The following RELL2 variants were observed in gnomAD, a reference collection of about 807,000 sequenced individuals.
The protein encoded by RELL2 is RELT-like protein 2.
RELL2 carries 18 observed loss-of-function variants against 27.5 expected under a neutral mutation model. The observed-to-expected ratio is 0.65, with a 90% confidence interval of 0.45 to 0.97. RELL2 has a LOEUF of 0.97. Among genes scored for constraint, RELL2 ranks in the 50% least tolerant of loss-of-function variants. The pLI is 0.00. For synonymous variants in RELL2, 156 were observed against 147.5 expected (o/e 1.06, Z -0.42); for missense variants, 370 against 397.5 (o/e 0.93, Z 0.59).
chr5:141,639,124 G>T lies in RELL2; in HGVS notation c.317+103G>T. 3.0e-6 allele frequency: 3 copies of T among 1,004,662 alleles called. No individual in the cohort carries two copies. The highest frequency in any genetic ancestry group is 3.2e-4 in the Middle Eastern group (1 of 3,086). 62.2% of individuals were successfully genotyped at this position (1,004,662 alleles called of 1,614,324 possible). ...CCTCCTTGCATGTATGGGGTTGGGG[G>T]AAGGGCAAAGCTGGCTAACTTATAG... On this transcript the variant is annotated intron_variant, in intron 3 of 6. Transcript: ENST00000297164. This position sits in a 1 kb window ranked among gnomAD's most constrained non-coding sequence, Gnocchi z 4.4.
In RELL2 at chr5:141,640,665, T is replaced by C. The variant is rs1323901829; in HGVS notation, c.*2-6T>C. 1 of 1,535,980 alleles carries C rather than the reference T, an allele frequency of 6.5e-7. No individual in the cohort carries two copies. The highest frequency in any genetic ancestry group is 1.4e-5 in the African/African-American group (1 of 73,144). On this transcript the variant is annotated splice_polypyrimidine_tract_variant and splice_region_variant and intron_variant, in intron 6 of 6. Transcript: ENST00000297164. ...AGCAACAGTGTTATTCTTCCTCTTCTCCAAGTCTCCTTCATTGTGCTGATG... is the reference window on the plus strand; with the variant it reads ...AGCAACAGTGTTATTCTTCCTCTTCCCCAAGTCTCCTTCATTGTGCTGATG...
rs775199549 is a variant in RELL2 at position 141,640,307 on chromosome 5, C to T, written c.879+12C>T. The T allele has an allele frequency of 1.9e-6, 3 of 1,613,700 alleles. No homozygotes were observed. The highest frequency in any genetic ancestry group is 2.2e-5 in the South Asian group (2 of 91,054). ...CTTCTGATCACCAGGTAGGAAAACA[C>T]AGCCGGGACTGCACTGGGCTGGGCT... On this transcript the variant is annotated intron_variant, in intron 5 of 6. Coordinates refer to ENST00000297164, the MANE Select transcript of RELL2 (RefSeq NM_173828.5).
rs1194162874 is a variant in RELL2 at position 141,638,819 on chromosome 5, A to G, written c.209A>G (p.Asp70Gly). 6.2e-7 allele frequency: 1 copy of G among 1,614,056 alleles called. No individual in the cohort carries two copies. The highest frequency in any genetic ancestry group is 8.5e-7 in the Non-Finnish European group (1 of 1,180,000). The change falls in exon 2 of 7, where the codon GAC becomes GGC. Residue 70 changes from aspartate (D) to glycine (G), a missense_variant. By Grantham distance (94) the Asp-to-Gly change is moderately conservative. Coordinates refer to ENST00000297164, the MANE Select transcript of RELL2 (RefSeq NM_173828.5). Reference sequence around the variant, plus strand: ...GCTGAGGACGATGACATGAATGAGGACACAGTAGAGAGGATTGTTCGCTGC... The same window carrying G: ...GCTGAGGACGATGACATGAATGAGGGCACAGTAGAGAGGATTGTTCGCTGC... ...QPPEDDDMNE[D>G]TVERIVRCII...
At chr5:141,638,619 G>C (rs1409608486) in intron 1 of RELL2, among the ~76,000 whole-genome samples, 176 bp from the exon 2 acceptor site, 3 of 152,204 alleles carry the variant, frequency 2.0e-5, no homozygotes, top group African/African-American at 7.2e-5. Flanking sequence ...CTGGATGGTA[G>C]TCTTGGGCTT....
intron 5 of RELL2, 30 bp downstream of exon 5, chr5:141,640,325 G>T: frequency 1.9e-6 from 3 of 1,613,972 alleles, no homozygotes; most frequent in Non-Finnish European, 2.5e-6. Flanking sequence ...ACTGCACTGG[G>T]CTGGGCTCTT....
chr5:141,641,048 A>G lies in RELL2; in HGVS notation c.*379A>G. ...CGTGCCCTTTATTCATTGTCAATAA[A>G]TCCGCTCAGACCATTACAGCTGCTT... On this transcript the variant is annotated 3_prime_UTR_variant, in exon 7 of 7. Coordinates refer to ENST00000297164, the MANE Select transcript of RELL2 (RefSeq NM_173828.5). 2.9e-6 allele frequency: 1 copy of G among 341,386 alleles called. No individual in the cohort carries two copies. The highest frequency in any genetic ancestry group is 8.7e-5 in the South Asian group (1 of 11,486). The allele number at this position is 341,386 out of a possible 1,614,324, so 21.1% of individuals were successfully genotyped here.
intron 5 of RELL2, 32 bp from the exon 6 acceptor site, chr5:141,640,378 GTC>G (rs1420334322): frequency 1.2e-6 from 2 of 1,614,018 alleles, no homozygotes; most frequent in African/African-American, 2.7e-5. Flanking sequence ...CCTACTCCTG[GTC>G]TCTCATTGTT....
At position 141,639,939 on chromosome 5, in the gene RELL2, GAGA is replaced by G; in HGVS notation, c.526_528del (p.Lys176del). The G allele has an allele frequency of 6.2e-7, 1 of 1,614,062 alleles. No individual in the cohort carries two copies. The highest frequency in any genetic ancestry group is 8.5e-7 in the Non-Finnish European group (1 of 1,180,024). On this transcript the variant is annotated inframe_deletion, in exon 5 of 7. Coordinates refer to ENST00000297164, the MANE Select transcript of RELL2 (RefSeq NM_173828.5). This position sits in a 1 kb window ranked among gnomAD's most constrained non-coding sequence, Gnocchi z 4.4. ...TCCCAGGTTCCGGGTGACACACATT[GAGA>G]AGCGCTATGGACTGCACGAACACCG...
In RELL2 at chr5:141,639,704, G is replaced by A. The variant is rs2099906600; in HGVS notation, c.503+55G>A. ...CTGAGGTAGGGGGCCCAGTGATCAG[G>A]CACCTGATCCCAAAAGTGGGCCTTG... On this transcript the variant is annotated intron_variant, in intron 4 of 6. Transcript: ENST00000297164. This position sits in a 1 kb window ranked among gnomAD's most constrained non-coding sequence, Gnocchi z 4.4. 2 of 1,516,584 alleles carry A rather than the reference G, an allele frequency of 1.3e-6. No individual in the cohort carries two copies. The highest frequency in any genetic ancestry group is 1.2e-5 in the South Asian group (1 of 82,252). The allele number at this position is 1,516,584 out of a possible 1,614,324, so 93.9% of individuals were successfully genotyped here.
chr5:141,638,589 G>T (rs556497061), intron 1 of RELL2, among the ~76,000 whole-genome samples, 180 bp downstream of exon 1: 12 of 152,326 alleles, frequency 7.9e-5, no homozygotes, highest in African/African-American at 2.2e-4. Context: ...AGAGAAAGCA[G>T]CATGGGCAGG....
Position 141,639,536 on chromosome 5 carries a change from C to T in RELL2, c.390C>T (p.Ala130=). 1 of 1,614,068 alleles carries T rather than the reference C, an allele frequency of 6.2e-7. No homozygotes were observed. The highest frequency in any genetic ancestry group is 1.3e-5 in the African/African-American group (1 of 75,052). ...HHHTVHLGSA[A]PCLHCSRSKR... Reference sequence around the variant, plus strand: ...ACACAGTGCACCTGGGCTCTGCAGCCCCTTGCCTCCATTGCAGCCGCAGCA... The same window carrying T: ...ACACAGTGCACCTGGGCTCTGCAGCTCCTTGCCTCCATTGCAGCCGCAGCA... Residue 130 remains alanine, a synonymous_variant, in exon 4 of 7, where the codon GCC becomes GCT. Coordinates refer to ENST00000297164, the MANE Select transcript of RELL2 (RefSeq NM_173828.5). This position sits in a 1 kb window ranked among gnomAD's most constrained non-coding sequence, Gnocchi z 4.4.
chr5:141,639,924 C>T lies in RELL2; in HGVS notation c.508C>T (p.Arg170Trp), dbSNP rs199910418. Residue 170 changes from arginine to tryptophan, a missense_variant, in exon 5 of 7, where the codon CGG becomes TGG. By Grantham distance (101) the Arg-to-Trp change is moderately radical. Coordinates refer to ENST00000297164, the MANE Select transcript of RELL2 (RefSeq NM_173828.5). The surrounding 1 kb of genome is among the most constrained non-coding windows in gnomAD (Gnocchi z 4.4). ...CAGTGTTCCCTCCCCTCCCAGGTTC[C>T]GGGTGACACACATTGAGAAGCGCTA... ...ETTVFSVGRFRVTHIEKRYGL... is the reference protein window; with the variant it reads ...ETTVFSVGRFWVTHIEKRYGL... The T allele has an allele frequency of 8.1e-6, 13 of 1,613,918 alleles. No individual in the cohort carries two copies. Among genetic ancestry groups the T allele is most frequent in the South Asian group, 2.2e-5 (2 of 91,074 alleles).
At chr5:141,640,606 C>A (rs911313235) in intron 6 of RELL2, 65 bp from the exon 7 acceptor site, 4 of 1,541,896 alleles carry the variant, frequency 2.6e-6, no homozygotes, top group Middle Eastern at 1.7e-4. Flanking sequence ...GTCCTGGAGC[C>A]CCAGGGGAAA....
Position 141,638,816 on chromosome 5 carries a change from A to T in RELL2, c.206A>T (p.Glu69Val). Residue 69 changes from glutamate (E) to valine (V), a missense_variant, in exon 2 of 7, where the codon GAG becomes GTG. Physicochemically the swap from Glu to Val is moderately radical, Grantham distance 121. Transcript: ENST00000297164. ...TCAGCTGAGGACGATGACATGAATG[A>T]GGACACAGTAGAGAGGATTGTTCGC... is the stretch of plus-strand genomic sequence containing the variant. The part of the protein sequence containing the change: ...LQPPEDDDMN[E>V]DTVERIVRCI... 6.2e-7 allele frequency: 1 copy of T among 1,614,152 alleles called. No individual in the cohort carries two copies. Among genetic ancestry groups the T allele is most frequent in the Non-Finnish European group, 8.5e-7 (1 of 1,179,956 alleles).
rs999149577 is a variant in RELL2, at chr5:141,641,034, T to A, written c.*365T>A. ...CCTGGCCTGGCCTTCGTGCCCTTTATTCATTGTCAATAAATCCGCTCAGAC... is the reference window on the plus strand; with the variant it reads ...CCTGGCCTGGCCTTCGTGCCCTTTAATCATTGTCAATAAATCCGCTCAGAC... On this transcript the variant is annotated 3_prime_UTR_variant, in exon 7 of 7. Transcript: ENST00000297164. 7.8e-4 allele frequency: 281 copies of A among 360,096 alleles called. 2 individuals carry two copies. The highest frequency in any genetic ancestry group is 2.2e-4 in the East Asian group (5 of 22,412). 22.3% of individuals were successfully genotyped at this position (360,096 alleles called of 1,614,324 possible). A position where few individuals can be genotyped will look rare whatever the true frequency, so the allele number is the denominator to read the frequency against.
chr5:141,639,729 G>C lies in RELL2; in HGVS notation c.503+80G>C. ...GCACCTGATCCCAAAAGTGGGCCTT[G>C]GCTCTTTCCTCCTGGACTGGGAGCT... On this transcript the variant is annotated intron_variant, in intron 4 of 6. Transcript: ENST00000297164. This position sits in a 1 kb window ranked among gnomAD's most constrained non-coding sequence, Gnocchi z 4.4. The C allele has an allele frequency of 7.0e-7, 1 of 1,419,062 alleles. No homozygotes were observed. The highest frequency in any genetic ancestry group is 9.6e-7 in the Non-Finnish European group (1 of 1,037,126). 87.9% of individuals were successfully genotyped at this position (1,419,062 alleles called of 1,614,324 possible).
rs1191270903 is a variant in RELL2, at chr5:141,640,936, C to T, written c.*267C>T. On this transcript the variant is annotated 3_prime_UTR_variant, in exon 7 of 7. Transcript: ENST00000297164. The stretch of plus-strand genomic sequence containing the variant: ...ATAGAGCGTGGCAGCTGGGAGCAGG[C>T]CCCTGCCCGTGGTGGGCCCCTAAAG... 3 of 518,248 alleles carry T rather than the reference C, an allele frequency of 5.8e-6. No homozygotes were observed. The highest frequency in any genetic ancestry group is 6.8e-6 in the Non-Finnish European group (2 of 294,246). 32.1% of individuals were successfully genotyped at this position (518,248 alleles called of 1,614,324 possible).
chr5:141,639,521 C>A lies in RELL2; in HGVS notation c.375C>A (p.His125Gln), dbSNP rs2099906582. Residue 125 changes from histidine (H) to glutamine (Q), a missense_variant, in exon 4 of 7, where the codon CAC becomes CAA. Physicochemically the swap from His to Gln is conservative, Grantham distance 24. Transcript: ENST00000297164. This position sits in a 1 kb window ranked among gnomAD's most constrained non-coding sequence, Gnocchi z 4.4. ...CCCCCTCCCATCATCACACAGTGCA[C>A]CTGGGCTCTGCAGCCCCTTGCCTCC... The part of the protein sequence containing the change: ...DGAPSHHHTV[H>Q]LGSAAPCLHC... 15 of 1,613,920 alleles carry A rather than the reference C, an allele frequency of 9.3e-6. No homozygotes were observed. Among genetic ancestry groups the A allele is most frequent in the Non-Finnish European group, 1.3e-5 (15 of 1,179,996 alleles).
rs1177547824 is a variant in RELL2 at position 141,640,410 on chromosome 5, A to G, written c.880-2A>G. On this transcript the variant is annotated splice_acceptor_variant, in intron 5 of 6. Transcript: ENST00000297164. LOFTEE classifies it high-confidence loss of function. ...ATTGTTGACCCCTCCCCTTTCTCTC[A>G]GGTGTCTCTACCACAGGGAGCAGGG... is the stretch of plus-strand genomic sequence containing the variant. The G allele has an allele frequency of 3.7e-6, 6 of 1,613,992 alleles. No homozygotes were observed. The African/African-American group carries it at 4.0e-5, about 11-fold the overall frequency.
Sources: allele counts gnomAD v4.1 joint callset (sites outside exome capture counted in the v4.1 genomes callset), GRCh38; gene constraint gnomAD v4.1.1; non-coding constraint Gnocchi (gnomAD v3.1); transcripts MANE v1.5; gene names NCBI Gene and HGNC (gene_info 2026-07-23, HGNC 2026-07-21).